SRRM3: variants seen among roughly 807,000 people sequenced by gnomAD.
SRRM3 encodes the protein serine/arginine repetitive matrix protein 3.
Under a neutral mutation model 66.2 loss-of-function variants are expected in SRRM3, and 27 were observed. That is an observed-to-expected ratio of 0.41 (90% CI 0.30 to 0.56). The LOEUF (loss-of-function observed/expected upper bound fraction) is 0.56. SRRM3 is among the 20% of genes least tolerant of loss of function. The pLI is 0.32. For synonymous variants in SRRM3, 391 were observed against 414.9 expected, an observed-to-expected ratio of 0.94 and a Z score of 0.70; for missense variants, 918 against 991.9, an observed-to-expected ratio of 0.93 and a Z score of 1.00.
At chr7:76,245,095 G>T (rs782453627) in intron 2 of SRRM3, among the ~76,000 whole-genome samples, 5 of 152,214 alleles carry the variant, frequency 3.3e-5, no homozygotes, top group Non-Finnish European at 7.3e-5. Flanking sequence ...ACCTGCGATG[G>T]GGGGAGGCAT....
In SRRM3 at chr7:76,267,330, C is replaced by G; in HGVS notation, c.903C>G (p.Ser301=). ...GGTCCAGCGGAAGCCGGTCGCCTTC[C>G]CCGTCGGGCGGCAGCGGATGGGGGT... ...SQRSSGSRSP[S]PSGGSGWGSP... The change falls in exon 11 of 15, where the codon TCC becomes TCG. Residue 301 remains serine, a synonymous_variant. Transcript: ENST00000611745. 1 of 1,539,900 alleles carries G rather than the reference C, an allele frequency of 6.5e-7. No individual in the cohort carries two copies. Among genetic ancestry groups the G allele is most frequent in the Non-Finnish European group, 8.7e-7 (1 of 1,149,668 alleles).
At chr7:76,213,003 C>G (rs934509445) in intron 1 of SRRM3, among the ~76,000 whole-genome samples, 4 of 114,754 alleles carry the variant, frequency 3.5e-5, no homozygotes, top group Non-Finnish European at 6.9e-5. Context: ...ACACCCCATT[C>G]CTTTTTTTTT....
At chr7:76,226,827 G>A (rs1189395276) in intron 1 of SRRM3, among the ~76,000 whole-genome samples, 1 of 152,150 alleles carries the variant, frequency 6.6e-6, no homozygotes, top group East Asian at 1.9e-4. Context: ...CTGGCCTCAG[G>A]TGATCCACCT....
In SRRM3 at chr7:76,241,628, C is replaced by A. The variant is rs909672192; in HGVS notation, c.233+6329C>A. On this transcript the variant is annotated intron_variant, in intron 2 of 14. Transcript: ENST00000611745. ...AAGTGATTCTCCTGCCTTGGCCTCC[C>A]GAGTAGCTGGGACTACAGGCACGCA... Among the ~76,000 whole-genome samples, 8 of 152,276 alleles carry A rather than the reference C, an allele frequency of 5.3e-5. No homozygotes were observed. In the South Asian group the frequency reaches 1.7e-3, roughly 32 times the overall value.
chr7:76,215,891 G>A (rs1191915956), intron 1 of SRRM3, among the ~76,000 whole-genome samples: 23 of 147,348 alleles, frequency 1.6e-4, no homozygotes, highest in South Asian at 8.6e-4. Flanking sequence ...TCCGCCTCCC[G>A]GGTTCATGCC....
intron 11 of SRRM3, among the ~76,000 whole-genome samples, chr7:76,277,518 A>G (rs1802377861): frequency 6.6e-6 from 1 of 151,552 alleles, no homozygotes; most frequent in African/African-American, 2.4e-5. Context: ...ACATGGTGAA[A>G]CCCCGTCTCT....
At chr7:76,282,581 A>ACCCCCCC in intron 12 of SRRM3, 67 bp from the exon 13 acceptor site, 2 of 579,408 alleles carry the variant, frequency 3.5e-6, no homozygotes, top group Non-Finnish European at 5.0e-6. Flanking sequence ...GCCCCAGGGA[A>ACCCCCCC]CCCTCCCCGC....
At chr7:76,245,814 G>T (rs1312987510) in intron 2 of SRRM3, among the ~76,000 whole-genome samples, 2 of 152,152 alleles carry the variant, frequency 1.3e-5, no homozygotes, top group East Asian at 1.9e-4. Context: ...TCCTGCCTCG[G>T]CCTCGTGGGT....
chr7:76,222,410 CAAAA>C (rs572163883), intron 1 of SRRM3, among the ~76,000 whole-genome samples: 2 of 84,412 alleles, frequency 2.4e-5, no homozygotes, highest in Non-Finnish European at 2.4e-5. Flanking sequence ...GACCCCGTCT[CAAAA>C]AAAAAAAAAA....
At chr7:76,234,187 T>C (rs1801082301) in intron 1 of SRRM3, among the ~76,000 whole-genome samples, 2 of 137,728 alleles carry the variant, frequency 1.5e-5, no homozygotes. Flanking sequence ...AAGATAGAAG[T>C]CCTTGGAGTG....
At chr7:76,221,680 G>A (rs894057468) in intron 1 of SRRM3, among the ~76,000 whole-genome samples, 5 of 152,108 alleles carry the variant, frequency 3.3e-5, no homozygotes, top group Admixed American at 6.6e-5. Flanking sequence ...CTTCTTACCC[G>A]TCTCTACTGG....
rs1243393227 is a variant in SRRM3, at chr7:76,263,875, G to GCCAAAAAAAAAAAAAA, written c.675-890_675-889insCCAAAAAAAAAAAAAA. Among the ~76,000 whole-genome samples the GCCAAAAAAAAAAAAAA allele has an allele frequency of 7.1e-4, 19 of 26,758 alleles. 3 individuals are homozygous for GCCAAAAAAAAAAAAAA. Among genetic ancestry groups the GCCAAAAAAAAAAAAAA allele is most frequent in the Admixed American group, 2.4e-3 (5 of 2,044 alleles). 17.6% of individuals were successfully genotyped at this position (26,758 alleles called of 152,430 possible). A position where few individuals can be genotyped will look rare whatever the true frequency, so the allele number is the denominator to read the frequency against. On this transcript the variant is annotated intron_variant, in intron 8 of 14. Transcript: ENST00000611745. ...GCAACAGAGCGGGACTCTGTCTCAA[G>GCCAAAAAAAAAAAAAA]ACAAAAAAAAAAAAAAAAAAAAAAA...
At chr7:76,262,578 T>C (rs1307778033) in intron 8 of SRRM3, among the ~76,000 whole-genome samples, 1 of 149,940 alleles carries the variant, frequency 6.7e-6, no homozygotes, top group Non-Finnish European at 1.5e-5. Flanking sequence ...TCCCAGCACT[T>C]TGGGAGGCCG....
In SRRM3 at chr7:76,285,960, CAG is replaced by C. The variant is rs1583951856; in HGVS notation, c.*118_*119del. On this transcript the variant is annotated 3_prime_UTR_variant, in exon 15 of 15. Transcript: ENST00000611745. This position sits in a 1 kb window ranked among gnomAD's most constrained non-coding sequence, Gnocchi z 4.1. ...TGCCCCCAAGGCTACAAAGAGGTCT[CAG>C]GGCCAGTGCACGGGCAGATGGGACC... 21 of 1,159,006 alleles carry C rather than the reference CAG, an allele frequency of 1.8e-5. No individual in the cohort carries two copies. The highest frequency in any genetic ancestry group is 2.3e-5 in the Non-Finnish European group (19 of 830,418). 71.8% of individuals were successfully genotyped at this position (1,159,006 alleles called of 1,614,324 possible).
intron 11 of SRRM3, among the ~76,000 whole-genome samples, chr7:76,280,152 GA>G (rs1583943391): frequency 6.7e-6 from 1 of 150,000 alleles, no homozygotes; most frequent in African/African-American, 2.4e-5. Context: ...AGAAAAGAGA[GA>G]AACAGAAAGA....
chr7:76,230,145 T>C (rs1271767983), intron 1 of SRRM3, among the ~76,000 whole-genome samples: 3 of 152,190 alleles, frequency 2.0e-5, no homozygotes, highest in African/African-American at 7.2e-5. Context: ...TCAGTGAATT[T>C]GATTGTCAGA....
chr7:76,236,231 A>C (rs1583893075), intron 2 of SRRM3, among the ~76,000 whole-genome samples: 1 of 146,030 alleles, frequency 6.8e-6, no homozygotes, highest in East Asian at 2.1e-4. Context: ...AATCGCTTGA[A>C]CCGGGAGGTG....
chr7:76,273,133 T>C (rs1195472188), intron 11 of SRRM3: 1 of 152,360 alleles, frequency 6.6e-6, no homozygotes, highest in Non-Finnish European at 1.5e-5. Flanking sequence ...GTCTTTCTGT[T>C]TCTCTTTCTC....
chr7:76,243,752 GTC>G (rs1801368866), intron 2 of SRRM3, among the ~76,000 whole-genome samples: 1 of 152,192 alleles, frequency 6.6e-6, no homozygotes, highest in African/African-American at 2.4e-5. Flanking sequence ...TCCCATGCCA[GTC>G]TCTGTCTCCC....
Sources: gnomAD v4.1 joint callset for allele counts (sites outside exome capture counted in the v4.1 genomes callset) on GRCh38, gnomAD v4.1.1 for gene constraint, Gnocchi (gnomAD v3.1) non-coding constraint, MANE v1.5 for transcripts, NCBI Gene and HGNC (gene_info 2026-07-23, HGNC 2026-07-21) for gene names.